TPM3: variants seen among roughly 807,000 people sequenced by gnomAD.
The protein encoded by TPM3 is tropomyosin 3, also known as tropomyosin alpha-3 chain.
A neutral mutation model predicts 43.1 loss-of-function variants in TPM3; 16 were observed. The observed-to-expected ratio is 0.37, with a 90% CI of 0.25 to 0.56. The LOEUF is 0.56. Ranked by LOEUF, TPM3 falls within the 20% of genes least tolerant of loss-of-function variation. The pLI is 0.77. For synonymous variants in TPM3, 101 were observed against 116.9 expected (o/e 0.86, Z 0.88); for missense variants, 176 against 337.2 (o/e 0.52, Z 3.74).
At chr1:154,158,889 A>C, downstream of TPM3, 1 of 769,866 alleles carries the variant, frequency 1.3e-6, no homozygotes, top group Non-Finnish European at 2.4e-6. Context: ...TTTTAAAAAG[A>C]CAATCAGCTT....
chr1:154,171,322 TTA>T, intron 6 of TPM3, 89 bp downstream of exon 6: 1 of 1,336,666 alleles, frequency 7.5e-7, no homozygotes. Context: ...CCTCACTGGA[TTA>T]TATATGGAAT....
rs1660946373 is a variant in TPM3 at position 154,166,266 on chromosome 1, T to G, written c.*1671A>C. The G allele has an allele frequency of 4.4e-6, 1 of 229,434 alleles. No homozygotes were observed. Among genetic ancestry groups the G allele is most frequent in the South Asian group, 1.8e-4 (1 of 5,496 alleles). The allele number at this position is 229,434 out of a possible 1,614,324, so 14.2% of individuals were successfully genotyped here. The stretch of plus-strand genomic sequence containing the variant: ...TTTAACAGATGGAATCTTGCTGTGT[T>G]GCCCAGGCTGGAGTACTACAGTGGC... On this transcript the variant is annotated 3_prime_UTR_variant, in exon 10 of 10. Transcript: ENST00000651641.
intron 2 of TPM3, among the ~76,000 whole-genome samples, chr1:154,187,790 T>C (rs1314991933): frequency 6.6e-6 from 1 of 151,598 alleles, no homozygotes; most frequent in Non-Finnish European, 1.5e-5. Flanking sequence ...ACTAGCCGTT[T>C]CAGCCTAAGA....
downstream of TPM3, chr1:154,155,556 A>C (rs924625088): frequency 2.1e-5 from 5 of 235,448 alleles, no homozygotes; most frequent in African/African-American, 1.1e-4. Context: ...AGGAAATGCC[A>C]GACACTGGCG....
intron 9 of TPM3, 59 bp downstream of exon 9, chr1:154,169,246 T>C (rs1661314208): frequency 3.3e-6 from 5 of 1,536,064 alleles, no homozygotes; most frequent in Non-Finnish European, 4.5e-6. Flanking sequence ...ATGCATAGCT[T>C]GTACCCCCAT....
At chr1:154,185,537 G>GCAAA (rs900697357) in intron 2 of TPM3, among the ~76,000 whole-genome samples, 3 of 150,100 alleles carry the variant, frequency 2.0e-5, no homozygotes, top group Admixed American at 6.6e-5. Context: ...ACAAAAACAA[G>GCAAA]CAAACAAACA....
At chr1:154,175,925 G>A (rs1194241892) in intron 3 of TPM3, among the ~76,000 whole-genome samples, 190 bp downstream of exon 3, 1 of 152,212 alleles carries the variant, frequency 6.6e-6, no homozygotes, top group Non-Finnish European at 1.5e-5. Context: ...CGCAATCAGA[G>A]CTCACTGTAG....
intron 5 of TPM3, chr1:154,172,190 G>C: frequency 1.4e-6 from 2 of 1,384,256 alleles, no homozygotes; most frequent in Non-Finnish European, 2.1e-6. Context: ...AAAACAAGCA[G>C]CAAAACGAAA....
Position 154,165,246 on chromosome 1 carries a change from G to A in TPM3, c.*2691C>T, listed in dbSNP as rs1421006720. Among the ~76,000 whole-genome samples, 2 of 151,954 alleles carry A rather than the reference G, an allele frequency of 1.3e-5. No homozygotes were observed. The highest frequency in any genetic ancestry group is 4.8e-5 in the African/African-American group (2 of 41,346). ...AAAATACAAAAATCAGCTGGGCATG[G>A]TGGTGGGTATCTGTAATCACAGCTC... On this transcript the variant is annotated 3_prime_UTR_variant, in exon 10 of 10. Coordinates refer to ENST00000651641, the MANE Select transcript of TPM3 (RefSeq NM_152263.4).
rs1308882461 is a variant in TPM3 at position 154,164,248 on chromosome 1, G to A, written c.*3689C>T. On this transcript the variant is annotated 3_prime_UTR_variant, in exon 10 of 10. Coordinates refer to ENST00000651641, the MANE Select transcript of TPM3 (RefSeq NM_152263.4). ...GTGATCACAGCTTGCTGCAGCCTCA[G>A]ACTCCTGGGCTCAAAGGATCCTCTG... is the stretch of plus-strand genomic sequence containing the variant. Among the ~76,000 whole-genome samples the A allele has an allele frequency of 1.3e-5, 2 of 152,046 alleles. No homozygotes were observed. The highest frequency in any genetic ancestry group is 2.9e-5 in the Non-Finnish European group (2 of 68,016).
rs1660624313 is a variant in TPM3, at chr1:154,163,638, T to C, written c.*4299A>G. ...CTCTTACATAACGTTTTCCTCATTG[T>C]TTAATTTTTTTTTGAGACAGAGTCT... On this transcript the variant is annotated 3_prime_UTR_variant, in exon 10 of 10. Transcript: ENST00000651641. Among the ~76,000 whole-genome samples, 1 of 152,098 alleles carries C rather than the reference T, an allele frequency of 6.6e-6. No homozygotes were observed. Among genetic ancestry groups the C allele is most frequent in the Non-Finnish European group, 1.5e-5 (1 of 68,020 alleles).
intron 2 of TPM3, 110 bp from the exon 3 acceptor site, chr1:154,176,358 AG>A: frequency 6.7e-7 from 1 of 1,498,306 alleles, no homozygotes; most frequent in Middle Eastern, 1.7e-4. Flanking sequence ...AGAGTCTCGC[AG>A]GGTAGAACTT....
chr1:154,161,678 GGTGATC>G (rs1660390617), downstream of TPM3, among the ~76,000 whole-genome samples: 1 of 151,682 alleles, frequency 6.6e-6, no homozygotes, highest in Non-Finnish European at 1.5e-5. Context: ...CCTGACCTCA[GGTGATC>G]TGCCCGCCTC....
intron 2 of TPM3, among the ~76,000 whole-genome samples, chr1:154,185,990 G>C (rs1355046128): frequency 6.6e-6 from 1 of 151,522 alleles, no homozygotes; most frequent in Non-Finnish European, 1.5e-5. Flanking sequence ...TCAATGTCTA[G>C]TTCTAAGAAT....
chr1:154,173,574 G>C (rs1450959979), intron 3 of TPM3, among the ~76,000 whole-genome samples: 1 of 150,632 alleles, frequency 6.6e-6, no homozygotes, highest in Admixed American at 6.6e-5. Context: ...TCAGGCAGGA[G>C]AATCACTTGA....
chr1:154,159,143 T>C, downstream of TPM3: 2 of 732,080 alleles, frequency 2.7e-6, no homozygotes, highest in Admixed American at 1.9e-5. Context: ...GTACCAGAAG[T>C]AAATTATGAG....
intron 2 of TPM3, among the ~76,000 whole-genome samples, chr1:154,182,251 T>C (rs1663038769): frequency 6.6e-6 from 1 of 152,210 alleles, no homozygotes; most frequent in Non-Finnish European, 1.5e-5. Flanking sequence ...GGTTGGCTCC[T>C]ACATTTGCAC....
At chr1:154,179,122 G>C (rs891938422) in intron 2 of TPM3, among the ~76,000 whole-genome samples, 2 of 152,222 alleles carry the variant, frequency 1.3e-5, no homozygotes, top group Admixed American at 6.5e-5. Flanking sequence ...TCAAATGAAA[G>C]AGTATCAGAA....
downstream of TPM3, chr1:154,155,720 G>GT: frequency 4.4e-6 from 1 of 227,470 alleles, no homozygotes. Context: ...TTATAGTAGT[G>GT]ATCAGCATTA....
Sources: gnomAD v4.1 joint callset for allele counts (sites outside exome capture counted in the v4.1 genomes callset) on GRCh38, gnomAD v4.1.1 for gene constraint, MANE v1.5 for transcripts, NCBI Gene and HGNC (gene_info 2026-07-23, HGNC 2026-07-21) for gene names.